The following FBXO43 variants were observed in gnomAD, a reference collection of about 807,000 sequenced individuals.
FBXO43 encodes the protein F-box only protein 43.
FBXO43 carries 22 observed loss-of-function variants against 56.7 expected under a neutral mutation model. The observed-to-expected ratio is 0.39, with a 90% confidence interval of 0.28 to 0.55. The LOEUF is 0.55. Ranked by LOEUF, FBXO43 falls within the 20% of genes least tolerant of loss-of-function variation. FBXO43 has a pLI of 0.66. For synonymous variants in FBXO43, 306 were observed against 294.5 expected, an observed-to-expected ratio of 1.04 and a Z score of -0.40; for missense variants, 733 against 814.9, an observed-to-expected ratio of 0.90 and a Z score of 1.22.
intron 1 of FBXO43, among the ~76,000 whole-genome samples, chr8:100,143,403 C>G (rs948067327): frequency 1.3e-4 from 20 of 152,152 alleles, no homozygotes; most frequent in Non-Finnish European, 1.3e-4. Flanking sequence ...CTACTCTAAA[C>G]ACAAAATATT....
At chr8:100,149,058 GT>G (rs561985923), upstream of FBXO43, among the ~76,000 whole-genome samples, 446 of 152,310 alleles carry the variant, frequency 2.9e-3, 5 homozygotes, top group African/African-American at 0.01. Flanking sequence ...CTCAGAAAAA[GT>G]TAATGCTATC....
chr8:100,137,406 G>C lies in FBXO43; in HGVS notation c.1674+159C>G. ...TGTTGTTTATTCCATTTACAGACTGGGTGAAAATTGAGTTTGGGAAAACTA... is the reference window on the plus strand; with the variant it reads ...TGTTGTTTATTCCATTTACAGACTGCGTGAAAATTGAGTTTGGGAAAACTA... On this transcript the variant is annotated intron_variant, in intron 3 of 4. Transcript: ENST00000428847. 1.1e-5 allele frequency: 6 copies of C among 564,028 alleles called. No homozygotes were observed. The South Asian group carries it at 1.1e-4, about 11-fold the overall frequency. The allele number at this position is 564,028 out of a possible 1,614,324, so 34.9% of individuals were successfully genotyped here. A position where few individuals can be genotyped will look rare whatever the true frequency, so the allele number is the denominator to read the frequency against.
At chr8:100,144,813 T>TC (rs1360150103) in intron 1 of FBXO43, among the ~76,000 whole-genome samples, 3 of 150,948 alleles carry the variant, frequency 2.0e-5, no homozygotes, top group East Asian at 1.9e-4. Flanking sequence ...GCGCCTGTAG[T>TC]CCCAGCTACT....
intron 3 of FBXO43, chr8:100,136,995 T>C (rs1039561378): frequency 6.6e-6 from 1 of 152,276 alleles, no homozygotes; most frequent in Non-Finnish European, 1.5e-5. Context: ...ATATCATTGG[T>C]ATTCAAATGC....
Position 100,140,806 on chromosome 8 carries a change from G to C in FBXO43, c.1448C>G (p.Ala483Gly), listed in dbSNP as rs1027188595. Residue 483 changes from alanine to glycine, a missense_variant, in exon 2 of 5, where the codon GCA becomes GGA. Coordinates refer to ENST00000428847, the MANE Select transcript of FBXO43 (RefSeq NM_001029860.4). ...EKIAVLQCIL[A>G]GLIGKKMGIE... ...ACCCATTTTCTTGCCGATCAGTCCT[G>C]CAAGTATACACTGCAGTACAGCTAT... is the stretch of plus-strand genomic sequence containing the variant. 1.3e-5 allele frequency: 21 copies of C among 1,614,052 alleles called. No individual in the cohort carries two copies. Among genetic ancestry groups the C allele is most frequent in the Non-Finnish European group, 1.7e-5 (20 of 1,180,028 alleles).
intron 2 of FBXO43, among the ~76,000 whole-genome samples, chr8:100,140,287 G>A (rs1440241713): frequency 6.6e-6 from 1 of 152,140 alleles, no homozygotes; most frequent in Non-Finnish European, 1.5e-5. Flanking sequence ...TGGCTAACAC[G>A]GTGAAACCCC....
At chr8:100,136,813 A>G (rs1814482114) in intron 3 of FBXO43, 1 of 152,196 alleles carries the variant, frequency 6.6e-6, no homozygotes, top group African/African-American at 2.4e-5. Context: ...GATTGTAGTC[A>G]CCTATTTACC....
chr8:100,147,617 A>T (rs1308027546), upstream of FBXO43, among the ~76,000 whole-genome samples: 2 of 152,180 alleles, frequency 1.3e-5, no homozygotes, highest in Non-Finnish European at 2.9e-5. Flanking sequence ...CTGGTGGCAG[A>T]ATGGAGGACA....
chr8:100,140,670 T>G lies in FBXO43; in HGVS notation c.1571+13A>C. 6.5e-7 allele frequency: 1 copy of G among 1,543,712 alleles called. No homozygotes were observed. The highest frequency in any genetic ancestry group is 1.4e-5 in the African/African-American group (1 of 71,984). On this transcript the variant is annotated intron_variant, in intron 2 of 4. Transcript: ENST00000428847. Reference sequence around the variant, plus strand: ...AAAGAAGTTTTATTTCATAAACAACTCTTACTTCTTACCTGCATAGGCTCT... The same window carrying G: ...AAAGAAGTTTTATTTCATAAACAACGCTTACTTCTTACCTGCATAGGCTCT...
At chr8:100,142,197 C>A in intron 1 of FBXO43, 29 bp from the exon 2 acceptor site, 1 of 1,506,416 alleles carries the variant, frequency 6.6e-7, no homozygotes, top group South Asian at 1.5e-5. Flanking sequence ...GTTATTCTGC[C>A]TTTGAAATGA....
chr8:100,147,530 T>C (rs3104195), upstream of FBXO43, among the ~76,000 whole-genome samples: 8,345 of 152,318 alleles, frequency 0.055, 691 homozygotes, highest in African/African-American at 0.17. Flanking sequence ...AGAAAATTCC[T>C]GAGAAGTGAA....
upstream of FBXO43, among the ~76,000 whole-genome samples, chr8:100,149,436 G>A (rs895772091): frequency 2.0e-5 from 3 of 152,152 alleles, no homozygotes; most frequent in African/African-American, 7.2e-5. Context: ...GTTCTTACAG[G>A]GAAGCCTATT....
upstream of FBXO43, among the ~76,000 whole-genome samples, chr8:100,148,594 G>A (rs192430492): frequency 1.8e-4 from 27 of 152,260 alleles, no homozygotes; most frequent in East Asian, 4.8e-3. Flanking sequence ...TGTATTTTTA[G>A]TAGAGACGGG....
upstream of FBXO43, among the ~76,000 whole-genome samples, chr8:100,148,122 T>A (rs1814863616): frequency 6.6e-6 from 1 of 152,216 alleles, no homozygotes; most frequent in African/African-American, 2.4e-5. Flanking sequence ...GGCAGGGAAT[T>A]TTGCCAATGG....
chr8:100,134,996 A>G (rs775915277), intron 3 of FBXO43, among the ~76,000 whole-genome samples: 10 of 152,212 alleles, frequency 6.6e-5, no homozygotes, highest in Non-Finnish European at 1.2e-4. Context: ...TGGGAGATGA[A>G]TCAGGGATCT....
chr8:100,136,080 T>A (rs923569339), intron 3 of FBXO43, among the ~76,000 whole-genome samples: 1 of 152,228 alleles, frequency 6.6e-6, no homozygotes, highest in Non-Finnish European at 1.5e-5. Context: ...AACTGTTTTT[T>A]AAGTCTGTCC....
At chr8:100,134,603 G>A (rs184745099) in intron 3 of FBXO43, among the ~76,000 whole-genome samples, 127 of 151,948 alleles carry the variant, frequency 8.4e-4, no homozygotes, top group African/African-American at 2.8e-3. Flanking sequence ...CTTCATCTAA[G>A]TTTGTATGGC....
chr8:100,141,063 TTC>T lies in FBXO43; in HGVS notation c.1189_1190del (p.Glu397ArgfsTer9). On this transcript the variant is annotated frameshift_variant, in exon 2 of 5. Transcript: ENST00000428847. LOFTEE classifies it high-confidence loss of function. ...CAGGGTGGACAATCTGCTTTTCCTC[TTC>T]TGTCTCTGACTGCGAGCTTTGTTCC... The part of the protein sequence containing the change: ...LREQSSQSET[E>X]EEKQIVHPDS... 2 of 1,614,214 alleles carry T rather than the reference TTC, an allele frequency of 1.2e-6. No individual in the cohort carries two copies. The highest frequency in any genetic ancestry group is 1.7e-6 in the Non-Finnish European group (2 of 1,180,030).
chr8:100,141,077 G>A lies in FBXO43; in HGVS notation c.1177C>T (p.Gln393Ter), dbSNP rs1814630176. 6.2e-7 allele frequency: 1 copy of A among 1,614,054 alleles called. No homozygotes were observed. The highest frequency in any genetic ancestry group is 1.1e-5 in the South Asian group (1 of 91,070). The change falls in exon 2 of 5, where the codon CAG becomes TAG. Residue 393 changes from glutamine (Q) to a stop codon, truncating the protein, a stop_gained. Transcript: ENST00000428847. LOFTEE classifies it high-confidence loss of function. ...TGCTTTTCCTCTTCTGTCTCTGACTGCGAGCTTTGTTCCCGAAGGGTGGAC... is the reference window on the plus strand; with the variant it reads ...TGCTTTTCCTCTTCTGTCTCTGACTACGAGCTTTGTTCCCGAAGGGTGGAC... Reference protein sequence around the residue: ...RLSTLREQSSQSETEEEKQIV... With the variant: ...RLSTLREQSS
Sources: allele counts gnomAD v4.1 joint callset (sites outside exome capture counted in the v4.1 genomes callset), GRCh38; gene constraint gnomAD v4.1.1; transcripts MANE v1.5; gene names NCBI Gene and HGNC (gene_info 2026-07-23, HGNC 2026-07-21).